The following FTCDNL1 variants were observed in gnomAD, a reference collection of about 807,000 sequenced individuals.
FTCDNL1 encodes the protein formiminotransferase cyclodeaminase N-terminal like, also known as formiminotransferase N-terminal subdomain-containing protein.
In FTCDNL1, 11 loss-of-function variants were observed where a neutral mutation model predicts 5.9. That is an observed-to-expected ratio of 1.87 (90% CI 1.18 to 3.10). The LOEUF (loss-of-function observed/expected upper bound fraction) is 3.10. Among genes scored for constraint, FTCDNL1 ranks in the 30% most tolerant of loss-of-function variants. The probability of loss-of-function intolerance (pLI) is 0.00; values close to 1 mark genes in which losing one functional copy is unlikely to be tolerated. For missense variants in FTCDNL1, 115 were observed against 65.5 expected (o/e 1.76, Z -2.61); for synonymous variants, 58 against 24.8 (o/e 2.34, Z -3.99).
chr2:199,826,818 G>A lies in FTCDNL1; in HGVS notation c.212-7061C>T, dbSNP rs193199254. ...CAAAAAACAATAAATAATAATAAGC[G>A]TTTATCCTGTCCTTCCTGCATGAAC... is the stretch of plus-strand genomic sequence containing the variant. On this transcript the variant is annotated intron_variant, in intron 3 of 4. Transcript: ENST00000420128. Among the ~76,000 whole-genome samples, 16 of 152,100 alleles carry A rather than the reference G, an allele frequency of 1.1e-4. No homozygotes were observed. In the South Asian group the frequency reaches 1.9e-3, roughly 18 times the overall value.
the FTCDNL1 span, among the ~76,000 whole-genome samples, chr2:199,744,981 G>A: frequency 1.3e-5 from 2 of 152,192 alleles, no homozygotes; most frequent in African/African-American, 4.8e-5. Flanking sequence ...CCTCTCAGCT[G>A]GCAGCCCTCC....
chr2:199,673,327 C>CAAAAAAAAAA, the FTCDNL1 span, among the ~76,000 whole-genome samples: 12 of 69,754 alleles, frequency 1.7e-4, 1 homozygote, highest in African/African-American at 7.2e-4. Context: ...GACTCTGTCT[C>CAAAAAAAAAA]AAAAAAAAAA....
intron 3 of FTCDNL1, among the ~76,000 whole-genome samples, chr2:199,768,674 G>T (rs982307631): frequency 1.3e-5 from 2 of 152,124 alleles, no homozygotes; most frequent in Non-Finnish European, 2.9e-5. Context: ...GACAAGCCAA[G>T]AGAAGGCAAG....
At chr2:199,715,599 T>C in the FTCDNL1 span, among the ~76,000 whole-genome samples, 1 of 152,208 alleles carries the variant, frequency 6.6e-6, no homozygotes, top group African/African-American at 2.4e-5. Flanking sequence ...CTCGGGTATT[T>C]CTTTACAGCA....
exon 4 of FTCDNL1, chr2:199,760,617 T>C (rs1205200617): frequency 1.9e-6 from 1 of 521,338 alleles, no homozygotes; most frequent in East Asian, 2.9e-5. Flanking sequence ...GGAAACATTC[T>C]TTTACAAATG....
Position 199,846,172 on chromosome 2 carries a change from T to C in FTCDNL1, c.116-2A>G. The C allele has an allele frequency of 1.5e-6, 1 of 688,734 alleles. No homozygotes were observed. The highest frequency in any genetic ancestry group is 2.6e-6 in the Non-Finnish European group (1 of 379,490). The allele number at this position is 688,734 out of a possible 1,614,324, so 42.7% of individuals were successfully genotyped here. A position where few individuals can be genotyped will look rare whatever the true frequency, so the allele number is the denominator to read the frequency against. On this transcript the variant is annotated splice_acceptor_variant, in intron 2 of 4. Coordinates refer to ENST00000420128, the MANE Select transcript of FTCDNL1 (RefSeq NM_001363886.2). LOFTEE classifies it high-confidence loss of function. ...CTGAAACTTGAGGATGTTTCTTTCCTGTAAAAAAAACAAGACAGAAGTGCA... is the reference window on the plus strand; with the variant it reads ...CTGAAACTTGAGGATGTTTCTTTCCCGTAAAAAAAACAAGACAGAAGTGCA...
At chr2:199,829,372 A>C (rs1407943806) in intron 3 of FTCDNL1, among the ~76,000 whole-genome samples, 3 of 152,188 alleles carry the variant, frequency 2.0e-5, no homozygotes, top group Non-Finnish European at 4.4e-5. Context: ...AATAATTTTT[A>C]GTCATTTCTA....
chr2:199,679,037 C>T, the FTCDNL1 span, among the ~76,000 whole-genome samples: 2 of 152,066 alleles, frequency 1.3e-5, no homozygotes, highest in African/African-American at 2.4e-5. Flanking sequence ...TTCACACTGC[C>T]GCTAGCACTT....
At chr2:199,783,735 C>A (rs1699486633) in intron 3 of FTCDNL1, among the ~76,000 whole-genome samples, 1 of 152,080 alleles carries the variant, frequency 6.6e-6, no homozygotes, top group Non-Finnish European at 1.5e-5. Flanking sequence ...CTCCTCCTCC[C>A]TCAGCAAGCC....
At chr2:199,694,006 GC>G in the FTCDNL1 span, among the ~76,000 whole-genome samples, 1 of 152,208 alleles carries the variant, frequency 6.6e-6, no homozygotes, top group Non-Finnish European at 1.5e-5. Context: ...TTGTAGATTG[GC>G]CTGACAGCAG....
the FTCDNL1 span, among the ~76,000 whole-genome samples, chr2:199,747,662 G>T: frequency 3.2e-4 from 48 of 151,942 alleles, no homozygotes; most frequent in Admixed American, 3.1e-3. Context: ...AGGCCAGCTC[G>T]CATCGTTTAT....
the FTCDNL1 span, among the ~76,000 whole-genome samples, chr2:199,703,016 GTTT>G: frequency 5.6e-4 from 66 of 117,434 alleles, no homozygotes; most frequent in Non-Finnish European, 1.1e-3. Context: ...CTCTGGGTTT[GTTT>G]GTTTGTTTGT....
chr2:199,676,977 T>C, the FTCDNL1 span, among the ~76,000 whole-genome samples: 20 of 152,328 alleles, frequency 1.3e-4, no homozygotes, highest in South Asian at 4.1e-3. Flanking sequence ...AATATCTTCT[T>C]GTTTATGAAG....
At chr2:199,716,033 TAAAAAAAAAAAAAAAAAAA>T in the FTCDNL1 span, among the ~76,000 whole-genome samples, 2 of 108,962 alleles carry the variant, frequency 1.8e-5, no homozygotes, top group African/African-American at 7.7e-5. Flanking sequence ...TGCCTCTAGT[TAAAAAAAAAAAAAAAAAAA>T]AAAAAAAAAA....
At chr2:199,772,506 T>C (rs1225092264) in intron 3 of FTCDNL1, among the ~76,000 whole-genome samples, 1 of 151,852 alleles carries the variant, frequency 6.6e-6, no homozygotes, top group Non-Finnish European at 1.5e-5. Flanking sequence ...TAAGTAAATG[T>C]CAGTATGCTC....
intron 3 of FTCDNL1, among the ~76,000 whole-genome samples, chr2:199,779,078 A>C (rs1375606127): frequency 6.6e-6 from 1 of 152,248 alleles, no homozygotes; most frequent in Non-Finnish European, 1.5e-5. Context: ...AATTGGAGGT[A>C]AAATAAAGAC....
chr2:199,780,313 C>A (rs1699302495), intron 3 of FTCDNL1, among the ~76,000 whole-genome samples: 1 of 152,138 alleles, frequency 6.6e-6, no homozygotes. Context: ...AGGGCAAATC[C>A]TGAGGAGGGA....
the FTCDNL1 span, among the ~76,000 whole-genome samples, chr2:199,687,661 T>C: frequency 2.0e-5 from 3 of 151,952 alleles, no homozygotes; most frequent in African/African-American, 7.3e-5. Context: ...AGGGATAGTT[T>C]TTCAGTAACC....
chr2:199,801,401 C>T (rs1700441436), intron 3 of FTCDNL1, among the ~76,000 whole-genome samples: 1 of 152,120 alleles, frequency 6.6e-6, no homozygotes, highest in Non-Finnish European at 1.5e-5. Flanking sequence ...AATCTCAGCA[C>T]TTTGGGAGGC....
Sources: gnomAD v4.1 joint callset for allele counts (sites outside exome capture counted in the v4.1 genomes callset) on GRCh38, gnomAD v4.1.1 for gene constraint, MANE v1.5 for transcripts, NCBI Gene and HGNC (gene_info 2026-07-23, HGNC 2026-07-21) for gene names.